Variants in TMPRSS11A observed in about 807,000 individuals in gnomAD.
The protein encoded by TMPRSS11A is transmembrane protease serine 11A.
In TMPRSS11A, 53 loss-of-function variants were observed where a neutral mutation model predicts 58.9. The ratio of observed to expected loss-of-function variants is 0.90; its 90% confidence interval spans 0.72 to 1.13. TMPRSS11A has a LOEUF of 1.13. Among genes scored for constraint, TMPRSS11A ranks in the 50% most tolerant of loss-of-function variants. The pLI is 0.00. For synonymous variants in TMPRSS11A, 167 were observed against 169.8 expected, an observed-to-expected ratio of 0.98 and a Z score of 0.13; for missense variants, 493 against 499.3, an observed-to-expected ratio of 0.99 and a Z score of 0.12.
chr4:67,919,379 T>A, intron 7 of TMPRSS11A, 147 bp from the exon 8 acceptor site: 2 of 690,452 alleles, frequency 2.9e-6, no homozygotes, highest in East Asian at 2.7e-5. Context: ...TTAAATATAA[T>A]CTATTGCTAA....
At chr4:67,938,748 A>G (rs147011015) in intron 3 of TMPRSS11A, among the ~76,000 whole-genome samples, 72 of 152,104 alleles carry the variant, frequency 4.7e-4, no homozygotes, top group African/African-American at 1.7e-3. Context: ...TGGGTTCTCT[A>G]TTCTGTTCTA....
intron 3 of TMPRSS11A, among the ~76,000 whole-genome samples, chr4:67,932,998 A>G (rs766234743): frequency 1.8e-4 from 27 of 151,932 alleles, no homozygotes; most frequent in Non-Finnish European, 3.2e-4. Flanking sequence ...TGTCATCTCA[A>G]TGTGGGTAAG....
intron 6 of TMPRSS11A, 128 bp downstream of exon 6, chr4:67,924,000 T>C: frequency 1.2e-6 from 1 of 832,574 alleles, no homozygotes; most frequent in South Asian, 1.4e-5. Flanking sequence ...TATTTAAATC[T>C]ATCGTACAAA....
At chr4:67,949,831 C>G (rs1721117798) in intron 1 of TMPRSS11A, among the ~76,000 whole-genome samples, 1 of 152,146 alleles carries the variant, frequency 6.6e-6, no homozygotes, top group Non-Finnish European at 1.5e-5. Flanking sequence ...TGCACTCCAG[C>G]CTGGGCGACT....
chr4:67,933,521 T>C (rs1720679420), intron 3 of TMPRSS11A, among the ~76,000 whole-genome samples: 2 of 152,200 alleles, frequency 1.3e-5, no homozygotes, highest in Admixed American at 6.5e-5. Flanking sequence ...ATAGATTTGG[T>C]AATAGCCTTA....
In TMPRSS11A at chr4:67,916,472, T is replaced by TACACAC. The variant is rs34678013; in HGVS notation, c.953-1748_953-1743dup. Among the ~76,000 whole-genome samples, 877 of 150,188 alleles carry TACACAC rather than the reference T, an allele frequency of 5.8e-3. 6 individuals are homozygous for TACACAC. Among genetic ancestry groups the TACACAC allele is most frequent in the Middle Eastern group, 0.024 (7 of 292 alleles). On this transcript the variant is annotated intron_variant, in intron 8 of 9. Coordinates refer to ENST00000508048, the MANE Select transcript of TMPRSS11A (RefSeq NM_001114387.2). ...GAATACAATTGGTTTATATATATTA[T>TACACAC]ACACACACACACACACACACACACA...
intron 6 of TMPRSS11A, among the ~76,000 whole-genome samples, chr4:67,923,179 C>A (rs996417739): frequency 6.6e-6 from 1 of 152,168 alleles, no homozygotes; most frequent in Non-Finnish European, 1.5e-5. Context: ...TAGCATTAAT[C>A]ACATTATTTT....
intron 5 of TMPRSS11A, among the ~76,000 whole-genome samples, chr4:67,926,480 G>A (rs972814385): frequency 6.6e-6 from 1 of 152,226 alleles, no homozygotes; most frequent in African/African-American, 2.4e-5. Flanking sequence ...AGCAGTGGTA[G>A]CAGGAGCGGA....
rs933722794 is a variant in TMPRSS11A, at chr4:67,909,575, T to G, written c.*1767A>C. ...TTTTACCACCATAATATAGAATAATTTATATGCCTATGTATATTTATATAT... is the reference window on the plus strand; with the variant it reads ...TTTTACCACCATAATATAGAATAATGTATATGCCTATGTATATTTATATAT... On this transcript the variant is annotated 3_prime_UTR_variant, in exon 10 of 10. Coordinates refer to ENST00000508048, the MANE Select transcript of TMPRSS11A (RefSeq NM_001114387.2). 6.6e-6 allele frequency: 1 copy of G among 152,160 alleles called. No individual in the cohort carries two copies. Among genetic ancestry groups the G allele is most frequent in the Non-Finnish European group, 1.5e-5 (1 of 67,996 alleles). The allele number at this position is 152,160 out of a possible 1,614,324, so 9.4% of individuals were successfully genotyped here.
intron 3 of TMPRSS11A, among the ~76,000 whole-genome samples, chr4:67,940,200 T>G (rs555686620): frequency 6.6e-6 from 1 of 152,322 alleles, no homozygotes; most frequent in African/African-American, 2.4e-5. Flanking sequence ...ATTTTCTTTT[T>G]TCATTCTGTC....
At chr4:67,961,210 T>G (rs1577875959) in intron 1 of TMPRSS11A, among the ~76,000 whole-genome samples, 1 of 152,142 alleles carries the variant, frequency 6.6e-6, no homozygotes, top group Admixed American at 6.5e-5. Context: ...ATGTTTCTTG[T>G]TAATGGAGAA....
chr4:67,915,245 C>T (rs960896961), intron 8 of TMPRSS11A, among the ~76,000 whole-genome samples: 1 of 152,106 alleles, frequency 6.6e-6, no homozygotes, highest in African/African-American at 2.4e-5. Context: ...AATGATTTCA[C>T]TTCCAATGTA....
intron 9 of TMPRSS11A, among the ~76,000 whole-genome samples, chr4:67,912,895 C>T (rs973604141): frequency 4.6e-5 from 7 of 151,964 alleles, no homozygotes; most frequent in South Asian, 2.1e-4. Flanking sequence ...TGTACACTCG[C>T]GTTTTATGTT....
intron 1 of TMPRSS11A, among the ~76,000 whole-genome samples, chr4:67,961,261 G>T (rs1259885847): frequency 2.6e-5 from 4 of 152,132 alleles, no homozygotes; most frequent in Non-Finnish European, 4.4e-5. Context: ...ATTGTAGAAT[G>T]ACTGTGGGTG....
intron 1 of TMPRSS11A, among the ~76,000 whole-genome samples, chr4:67,953,341 C>T (rs1721208269): frequency 6.6e-6 from 1 of 151,958 alleles, no homozygotes; most frequent in East Asian, 1.9e-4. Context: ...AGATGAGCAG[C>T]TTTTCTTAGT....
chr4:67,935,479 C>G (rs567941769), intron 3 of TMPRSS11A, among the ~76,000 whole-genome samples: 13 of 152,132 alleles, frequency 8.5e-5, no homozygotes, highest in Non-Finnish European at 1.5e-4. Flanking sequence ...TCTTATCCCT[C>G]TTATACCTTT....
chr4:67,931,555 G>A (rs913732468), intron 4 of TMPRSS11A, among the ~76,000 whole-genome samples: 3 of 152,046 alleles, frequency 2.0e-5, no homozygotes, highest in East Asian at 1.9e-4. Flanking sequence ...TATGTCATTC[G>A]GTTACATTAC....
chr4:67,942,156 T>C (rs770043285), intron 3 of TMPRSS11A, among the ~76,000 whole-genome samples: 16 of 152,286 alleles, frequency 1.1e-4, no homozygotes, highest in Non-Finnish European at 2.1e-4. Flanking sequence ...AACATGCAAA[T>C]TAAATCACAA....
chr4:67,923,166 T>C (rs1720377527), intron 6 of TMPRSS11A, among the ~76,000 whole-genome samples: 1 of 152,200 alleles, frequency 6.6e-6, no homozygotes, highest in Non-Finnish European at 1.5e-5. Flanking sequence ...ACTTCCTCTG[T>C]CATAGCATTA....
Sources: gnomAD v4.1 joint callset for allele counts (sites outside exome capture counted in the v4.1 genomes callset) on GRCh38, gnomAD v4.1.1 for gene constraint, MANE v1.5 for transcripts, NCBI Gene and HGNC (gene_info 2026-07-23, HGNC 2026-07-21) for gene names.